NTM: variants seen among roughly 807,000 people sequenced by gnomAD.
NTM encodes IgLON family member 2.
A neutral mutation model predicts 42.1 loss-of-function variants in NTM; 13 were observed. The ratio of observed to expected loss-of-function variants is 0.31; its 90% CI spans 0.20 to 0.49. The LOEUF (loss-of-function observed/expected upper bound fraction) is 0.49. Among genes scored for constraint, NTM ranks in the 20% least tolerant of loss-of-function variants. The pLI is 0.99. For missense variants in NTM, 373 were observed against 452.8 expected (o/e 0.82, Z 1.60); for synonymous variants, 187 against 179.2 (o/e 1.04, Z -0.35).
chr11:131,425,986 A>G (rs1260973278), intron 1 of NTM, among the ~76,000 whole-genome samples: 1 of 152,136 alleles, frequency 6.6e-6, no homozygotes, highest in African/African-American at 2.4e-5. Context: ...GACTCTCACC[A>G]GGCGAGACAT....
At chr11:131,952,548 A>AT (rs953789123) in intron 2 of NTM, among the ~76,000 whole-genome samples, 16 of 152,188 alleles carry the variant, frequency 1.1e-4, no homozygotes, top group African/African-American at 3.9e-4. Context: ...GTGGCCTCAG[A>AT]TTTTTTCTGC....
intron 3 of NTM, among the ~76,000 whole-genome samples, chr11:132,189,166 T>C (rs1021140464): frequency 6.6e-6 from 1 of 152,128 alleles, no homozygotes; most frequent in African/African-American, 2.4e-5. Context: ...AATATGCAAG[T>C]CTATAGTGTG....
At chr11:131,873,521 AGTGTGT>A (rs71067341) in intron 1 of NTM, among the ~76,000 whole-genome samples, 5 of 52,368 alleles carry the variant, frequency 9.5e-5, no homozygotes, top group South Asian at 5.7e-4. Flanking sequence ...CAGAACTTAA[AGTGTGT>A]GTGTGTGTGT....
chr11:131,725,632 A>G (rs1555101724), intron 1 of NTM, among the ~76,000 whole-genome samples: 1 of 152,152 alleles, frequency 6.6e-6, no homozygotes, highest in Non-Finnish European at 1.5e-5. Context: ...GAGGGGAGTA[A>G]GAGGAAGGGA....
chr11:131,537,610 A>G (rs2052483743), intron 1 of NTM: 2 of 152,260 alleles, frequency 1.3e-5, no homozygotes, highest in African/African-American at 4.8e-5. Context: ...AAGGCAGACA[A>G]GATGGTGCAG....
chr11:132,307,805 G>C lies in NTM; in HGVS notation c.643G>C (p.Val215Leu), dbSNP rs1350590762. ...CGTGGCCGCGCCCGTGGTACGGAGA[G>C]TAAAGGTCACCGTGAACTGTAAGTG... ...NDVAAPVVRR[V>L]KVTVNYPPYI... Residue 215 changes from valine (V) to leucine (L), a missense_variant, in exon 5 of 9, where the codon GTA (valine) becomes CTA (leucine). Around this residue, in one of 3 missense-constraint regions of NTM, gnomAD observed 312 missense variants for 353.5 expected, o/e 0.88. Coordinates refer to ENST00000683400, the MANE Select transcript of NTM (RefSeq NM_001352005.2). 3 of 1,614,168 alleles carry C rather than the reference G, an allele frequency of 1.9e-6. No homozygotes were observed. The highest frequency in any genetic ancestry group is 2.5e-6 in the Non-Finnish European group (3 of 1,180,024).
At chr11:131,398,486 T>C (rs1371385462) in intron 1 of NTM, among the ~76,000 whole-genome samples, 1 of 152,226 alleles carries the variant, frequency 6.6e-6, no homozygotes, top group Admixed American at 6.5e-5. Context: ...TTTTTTCTTT[T>C]AAGAATAGAT....
chr11:132,156,844 A>G lies in NTM; in HGVS notation c.400+10330A>G, dbSNP rs116814516. Reference sequence around the variant, plus strand: ...ATAGGGAAATTGTCCTGGGCCCTAAATGCAATCACATAAATCTTTACAAAA... The same window carrying G: ...ATAGGGAAATTGTCCTGGGCCCTAAGTGCAATCACATAAATCTTTACAAAA... On this transcript the variant is annotated intron_variant, in intron 3 of 8. Transcript: ENST00000683400. Among the ~76,000 whole-genome samples the G allele has an allele frequency of 3.8e-3, 579 of 152,336 alleles. 3 individuals carry two copies. The highest frequency in any genetic ancestry group is 0.01 in the African/African-American group (430 of 41,578).
At chr11:131,985,748 T>A (rs1297862560) in intron 2 of NTM, among the ~76,000 whole-genome samples, 1 of 152,172 alleles carries the variant, frequency 6.6e-6, no homozygotes, top group African/African-American at 2.4e-5. Flanking sequence ...CACGTAATTG[T>A]AAGAGGTGGG....
At chr11:132,108,233 G>C (rs1163450779) in intron 2 of NTM, among the ~76,000 whole-genome samples, 1 of 151,994 alleles carries the variant, frequency 6.6e-6, no homozygotes, top group Admixed American at 6.6e-5. Context: ...ATTTCAACAG[G>C]CTTTAGTTTA....
chr11:132,280,081 A>C (rs543648793), intron 4 of NTM, among the ~76,000 whole-genome samples: 6 of 152,192 alleles, frequency 3.9e-5, no homozygotes, highest in South Asian at 2.1e-4. Flanking sequence ...TTTTTAAGTC[A>C]TCTCTGGACT....
intron 2 of NTM, among the ~76,000 whole-genome samples, chr11:131,975,309 T>C (rs1186066841): frequency 6.6e-6 from 1 of 152,100 alleles, no homozygotes; most frequent in Non-Finnish European, 1.5e-5. Context: ...GCCTCCCAAG[T>C]AACAGGACTA....
At chr11:131,471,306 C>A (rs764139122) in intron 1 of NTM, among the ~76,000 whole-genome samples, 3 of 152,200 alleles carry the variant, frequency 2.0e-5, no homozygotes, top group Non-Finnish European at 4.4e-5. Context: ...TTAATCCAAT[C>A]GCTCATTCAA....
At chr11:132,075,022 T>G (rs1470558958) in intron 2 of NTM, among the ~76,000 whole-genome samples, 1 of 152,210 alleles carries the variant, frequency 6.6e-6, no homozygotes, top group East Asian at 1.9e-4. Flanking sequence ...ATACAGGGAA[T>G]GCTGCAATAT....
chr11:131,505,454 C>T (rs903702349), intron 1 of NTM, among the ~76,000 whole-genome samples: 1 of 152,174 alleles, frequency 6.6e-6, no homozygotes, highest in Non-Finnish European at 1.5e-5. Context: ...CATCACCAAG[C>T]GTTTTCCATC....
At chr11:132,123,052 TCTC>T in intron 2 of NTM, among the ~76,000 whole-genome samples, 1 of 152,226 alleles carries the variant, frequency 6.6e-6, no homozygotes, top group East Asian at 1.9e-4. Flanking sequence ...TTTCCTATCT[TCTC>T]TTCTGTGCAT....
chr11:131,903,843 C>T (rs916447860), intron 1 of NTM, among the ~76,000 whole-genome samples: 1 of 152,154 alleles, frequency 6.6e-6, no homozygotes, highest in Non-Finnish European at 1.5e-5. Context: ...GAGCTGTCAC[C>T]GTACTCTGAA....
chr11:131,929,118 T>A (rs755768519), intron 2 of NTM, among the ~76,000 whole-genome samples: 19 of 152,196 alleles, frequency 1.2e-4, no homozygotes, highest in Non-Finnish European at 2.2e-4. Context: ...CCGGTAGTGC[T>A]GAATGCTCTG....
intron 2 of NTM, among the ~76,000 whole-genome samples, chr11:131,990,009 A>G (rs2066744464): frequency 6.6e-6 from 1 of 152,154 alleles, no homozygotes. Flanking sequence ...AAAGACATCC[A>G]TCTATTACTG....
Sources: gnomAD v4.1 joint callset for allele counts (sites outside exome capture counted in the v4.1 genomes callset) on GRCh38, gnomAD v4.1.1 for gene constraint, gnomAD v4.1.1 regional missense constraint, MANE v1.5 for transcripts, NCBI Gene and HGNC (gene_info 2026-07-23, HGNC 2026-07-21) for gene names.